Variants in DLK1 observed in about 807,000 individuals in gnomAD.
DLK1 encodes the protein protein delta homolog 1.
DLK1 carries 9 observed loss-of-function variants against 35.2 expected under a neutral mutation model. That is an observed-to-expected ratio of 0.26 (90% confidence interval 0.15 to 0.45). The LOEUF (loss-of-function observed/expected upper bound fraction) is 0.45, where lower values mean the gene tolerates loss of function less well. DLK1 is among the 20% of genes least tolerant of loss of function. DLK1 has a pLI of 1.00. For missense variants in DLK1, 522 were observed against 528.5 expected (o/e 0.99, Z 0.12); for synonymous variants, 231 against 228.4 (o/e 1.01, Z -0.10).
At chr14:100,730,539 A>AC (rs1006667740) in intron 3 of DLK1, among the ~76,000 whole-genome samples, 25 of 152,042 alleles carry the variant, frequency 1.6e-4, no homozygotes, top group Admixed American at 4.6e-4. Context: ...CCCAGCAGAG[A>AC]CCCCCAAGCA....
chr14:100,726,955 C>A lies in DLK1; in HGVS notation c.-114C>A. On this transcript the variant is annotated 5_prime_UTR_variant, in exon 1 of 5. Transcript: ENST00000341267. The surrounding 1 kb of genome is among the most constrained non-coding windows in gnomAD (Gnocchi z 4.2). ...CAGCCCGGTGCAGCCCTGGCTTTCC[C>A]CTCGCTGCGCGCCCGCGCCCCCTTT... 1 of 1,081,964 alleles carries A rather than the reference C, an allele frequency of 9.2e-7. No individual in the cohort carries two copies. Among genetic ancestry groups the A allele is most frequent in the Non-Finnish European group, 1.2e-6 (1 of 821,312 alleles). The allele number at this position is 1,081,964 out of a possible 1,614,324, so 67.0% of individuals were successfully genotyped here.
At chr14:100,732,325 C>T in intron 4 of DLK1, 142 bp downstream of exon 4, 3 of 1,297,664 alleles carry the variant, frequency 2.3e-6, no homozygotes, top group Non-Finnish European at 3.1e-6. Flanking sequence ...TAGGGGACCG[C>T]CCTGGATGGG....
intron 4 of DLK1, among the ~76,000 whole-genome samples, chr14:100,732,515 G>A (rs982336560): frequency 1.3e-5 from 2 of 152,226 alleles, no homozygotes; most frequent in African/African-American, 2.4e-5. Flanking sequence ...TTGGAGCTCC[G>A]CGGGGCTGAG....
Position 100,737,729 on chromosome 14 carries a change from G to T in DLK1, c.*2833G>T, listed in dbSNP as rs1196348612. On this transcript the variant is annotated 3_prime_UTR_variant, in exon 5 of 5. Transcript: ENST00000341267. ...CGGTCACATGCCGTGGGAGTGGAGGGTCTTGAGCAGACGCCTCCCTTGGAG... is the reference window on the plus strand; with the variant it reads ...CGGTCACATGCCGTGGGAGTGGAGGTTCTTGAGCAGACGCCTCCCTTGGAG... The T allele has an allele frequency of 1.3e-5, 2 of 152,204 alleles. No individual in the cohort carries two copies. The highest frequency in any genetic ancestry group is 2.9e-5 in the Non-Finnish European group (2 of 68,064). The allele number at this position is 152,204 out of a possible 1,614,324, so 9.4% of individuals were successfully genotyped here.
At position 100,738,039 on chromosome 14, in the gene DLK1, A is replaced by T. The variant is rs1319378576; in HGVS notation, c.*3143A>T. 1 of 152,244 alleles carries T rather than the reference A, an allele frequency of 6.6e-6. No individual in the cohort carries two copies. The highest frequency in any genetic ancestry group is 1.5e-5 in the Non-Finnish European group (1 of 68,050). 9.4% of individuals were successfully genotyped at this position (152,244 alleles called of 1,614,324 possible). On this transcript the variant is annotated 3_prime_UTR_variant, in exon 5 of 5. Transcript: ENST00000341267. ...TTACGAAACAAACGGAAAAGCTCAA[A>T]GACAGCGATCCAAGACATGATCAGC... is the stretch of plus-strand genomic sequence containing the variant.
chr14:100,730,767 C>G (rs1264501639), intron 3 of DLK1, among the ~76,000 whole-genome samples: 1 of 152,204 alleles, frequency 6.6e-6, no homozygotes, highest in Non-Finnish European at 1.5e-5. Flanking sequence ...TTGCCGGTGC[C>G]GTCCCGTAAA....
rs769235489 is a variant in DLK1 at position 100,734,844 on chromosome 14, A to G, written c.1100A>G (p.Glu367Gly). The G allele has an allele frequency of 1.2e-6, 2 of 1,610,516 alleles. No individual in the cohort carries two copies. The highest frequency in any genetic ancestry group is 2.7e-5 in the African/African-American group (2 of 74,812). The change falls in exon 5 of 5, where the codon GAG becomes GGG. Residue 367 changes from glutamate to glycine, a missense_variant. Glu to Gly is a moderately conservative substitution (Grantham distance 98). Coordinates refer to ENST00000341267, the MANE Select transcript of DLK1 (RefSeq NM_003836.7). The surrounding 1 kb of genome is among the most constrained non-coding windows in gnomAD (Gnocchi z 7.4). ...EDLAVNIIFPEKIDMTTFSKE... is the reference protein window; with the variant it reads ...EDLAVNIIFPGKIDMTTFSKE... Reference sequence around the variant, plus strand: ...CTGGCCGTCAACATCATCTTCCCCGAGAAGATCGACATGACCACCTTCAGC... The same window carrying G: ...CTGGCCGTCAACATCATCTTCCCCGGGAAGATCGACATGACCACCTTCAGC...
chr14:100,729,743 C>T (rs1256749436), intron 3 of DLK1, among the ~76,000 whole-genome samples: 1 of 152,196 alleles, frequency 6.6e-6, no homozygotes, highest in Non-Finnish European at 1.5e-5. Flanking sequence ...CATTTTCAGG[C>T]TGCGAAATGT....
intron 3 of DLK1, among the ~76,000 whole-genome samples, chr14:100,731,479 C>T (rs568532964): frequency 1.3e-5 from 2 of 152,232 alleles, no homozygotes; most frequent in African/African-American, 2.4e-5. Context: ...CACAGGGACA[C>T]GTGGTAGTGC....
At position 100,731,963 on chromosome 14, in the gene DLK1, T is replaced by C. The variant is rs1272767409; in HGVS notation, c.263-79T>C. 19 of 1,506,332 alleles carry C rather than the reference T, an allele frequency of 1.3e-5. 1 individual carries two copies. The East Asian group carries it at 3.3e-4, about 26-fold the overall frequency. 93.3% of individuals were successfully genotyped at this position (1,506,332 alleles called of 1,614,324 possible). A position where few individuals can be genotyped will look rare whatever the true frequency, so the allele number is the denominator to read the frequency against. On this transcript the variant is annotated intron_variant, in intron 3 of 4. Transcript: ENST00000341267. The stretch of plus-strand genomic sequence containing the variant: ...ACCCCACTCGGTGGCCATAGAGCCA[T>C]TTTAAAGCCCACTGGGGCCCGCATC...
rs1025320325 is a variant in DLK1 at position 100,737,294 on chromosome 14, CAAAA to C, written c.*2403_*2406del. 2.7e-5 allele frequency: 4 copies of C among 150,264 alleles called. No individual in the cohort carries two copies. The highest frequency in any genetic ancestry group is 2.1e-4 in the South Asian group (1 of 4,712). The allele number at this position is 150,264 out of a possible 1,614,324, so 9.3% of individuals were successfully genotyped here. The stretch of plus-strand genomic sequence containing the variant: ...TTAAGAAATAAAAAAATTAAAAAGA[CAAAA>C]AAAAGAATTGTTGGCATGTGTCAGG... On this transcript the variant is annotated 3_prime_UTR_variant, in exon 5 of 5. Transcript: ENST00000341267.
intron 3 of DLK1, among the ~76,000 whole-genome samples, chr14:100,731,119 G>A (rs1007383039): frequency 6.6e-6 from 1 of 152,150 alleles, no homozygotes; most frequent in Non-Finnish European, 1.5e-5. Flanking sequence ...TATAAGTAGG[G>A]AAACTGAGGC....
At chr14:100,728,054 A>G (rs937273792) in intron 1 of DLK1, among the ~76,000 whole-genome samples, 1 of 152,176 alleles carries the variant, frequency 6.6e-6, no homozygotes, top group African/African-American at 2.4e-5. Flanking sequence ...CCCAGGGCTC[A>G]ACATATTTCC....
chr14:100,728,701 G>T, intron 2 of DLK1: 1 of 655,496 alleles, frequency 1.5e-6, no homozygotes, highest in Non-Finnish European at 2.6e-6. Flanking sequence ...GGCCACTGCG[G>T]CAAAACGCAG....
At chr14:100,732,959 C>T (rs2036526534) in intron 4 of DLK1, among the ~76,000 whole-genome samples, 1 of 152,162 alleles carries the variant, frequency 6.6e-6, no homozygotes, top group Non-Finnish European at 1.5e-5. Flanking sequence ...CAGGGGTGTC[C>T]CTTTCCTCTG....
At chr14:100,729,248 G>T (rs1490821801) in intron 3 of DLK1, 182 bp downstream of exon 3, 4 of 1,076,186 alleles carry the variant, frequency 3.7e-6, no homozygotes, top group African/African-American at 1.6e-5. Context: ...CTCCTCAGAG[G>T]TAGGGACTTT....
intron 2 of DLK1, 161 bp from the exon 3 acceptor site, chr14:100,728,775 A>G (rs2036470940): frequency 9.9e-7 from 1 of 1,011,530 alleles, no homozygotes; most frequent in Non-Finnish European, 1.5e-6. Context: ...TTTTCTCTTT[A>G]AGTTTTCCCA....
In DLK1 at chr14:100,728,422, C is replaced by T. The variant is rs1307123936; in HGVS notation, c.94C>T (p.Pro32Ser). 6.2e-7 allele frequency: 1 copy of T among 1,613,888 alleles called. No individual in the cohort carries two copies. The highest frequency in any genetic ancestry group is 1.3e-5 in the African/African-American group (1 of 74,874). The change falls in exon 2 of 5, where the codon CCC becomes TCC. Residue 32 changes from proline (P) to serine (S), a missense_variant. Physicochemically the swap from Pro to Ser is moderately conservative, Grantham distance 74 (BLOSUM62 -1). Transcript: ENST00000341267. ...YGAECFPACN[P>S]QNGFCEDDNV... Reference sequence around the variant, plus strand: ...GGCTGAATGCTTCCCGGCCTGCAACCCCCAAAATGGATTCTGCGAGGATGA... The same window carrying T: ...GGCTGAATGCTTCCCGGCCTGCAACTCCCAAAATGGATTCTGCGAGGATGA...
At chr14:100,727,159 C>A (rs1462297983) in intron 1 of DLK1, 24 bp downstream of exon 1, 13 of 1,547,190 alleles carry the variant, frequency 8.4e-6, no homozygotes, top group Non-Finnish European at 9.6e-6. Flanking sequence ...CGGCCCGGCT[C>A]GCGCCCCCTC....
Sources: allele counts gnomAD v4.1 joint callset (sites outside exome capture counted in the v4.1 genomes callset), GRCh38; gene constraint gnomAD v4.1.1; non-coding constraint Gnocchi (gnomAD v3.1); transcripts MANE v1.5; gene names NCBI Gene and HGNC (gene_info 2026-07-23, HGNC 2026-07-21).